Variants in ARMC2 observed in about 807,000 individuals in gnomAD.
ARMC2 encodes armadillo repeat containing 2, also known as armadillo repeat-containing protein 2.
A neutral mutation model predicts 90.3 loss-of-function variants in ARMC2; 67 were observed. The ratio of observed to expected loss-of-function variants is 0.74; its 90% CI spans 0.61 to 0.91. The LOEUF (loss-of-function observed/expected upper bound fraction) is 0.91. ARMC2 is among the 40% of genes least tolerant of loss of function. The probability of loss-of-function intolerance (pLI) is 0.00; values close to 1 mark genes in which losing one functional copy is unlikely to be tolerated. For synonymous variants in ARMC2, 393 were observed against 393.0 expected (o/e 1.00, Z 0.00); for missense variants, 920 against 1,030.9 (o/e 0.89, Z 1.47).
the ARMC2 span, chr6:108,990,881 C>T: frequency 6.6e-6 from 10 of 1,520,000 alleles, 1 homozygote; most frequent in South Asian, 3.4e-5. Flanking sequence ...TGGTCAAGTA[C>T]AGTTCTATAT....
intron 12 of ARMC2, among the ~76,000 whole-genome samples, chr6:108,941,964 C>T (rs1776473749): frequency 6.6e-6 from 1 of 152,154 alleles, no homozygotes; most frequent in Non-Finnish European, 1.5e-5. Flanking sequence ...TTTAGAAGAG[C>T]AGGGAAAGAG....
the ARMC2 span, among the ~76,000 whole-genome samples, chr6:108,990,185 G>A: frequency 6.6e-6 from 1 of 152,220 alleles, no homozygotes; most frequent in Non-Finnish European, 1.5e-5. Context: ...CTAACAGCAA[G>A]GACATGAAAG....
the ARMC2 span, chr6:108,998,657 G>A: frequency 1.6e-5 from 26 of 1,613,706 alleles, no homozygotes; most frequent in East Asian, 6.7e-5. Context: ...TTCCACAGCC[G>A]AATGTGAATG....
chr6:109,022,049 A>AT, the ARMC2 span, among the ~76,000 whole-genome samples: 635 of 147,408 alleles, frequency 4.3e-3, 5 homozygotes, highest in African/African-American at 7.8e-3. Flanking sequence ...TGTGCCAGGC[A>AT]TTTTTTTTTT....
chr6:108,971,398 G>A (rs1046167656), intron 17 of ARMC2, among the ~76,000 whole-genome samples: 1 of 152,176 alleles, frequency 6.6e-6, no homozygotes, highest in Non-Finnish European at 1.5e-5. Flanking sequence ...TTGCCGAAGT[G>A]TTTGTGTCTG....
intron 5 of ARMC2, among the ~76,000 whole-genome samples, chr6:108,892,899 G>A (rs1771231722): frequency 6.6e-6 from 1 of 152,202 alleles, no homozygotes. Context: ...TCACTACACA[G>A]GAAGGAGAAG....
chr6:108,921,489 A>C (rs905865655), intron 10 of ARMC2, among the ~76,000 whole-genome samples: 2 of 142,516 alleles, frequency 1.4e-5, no homozygotes, highest in African/African-American at 4.9e-5. Context: ...TATCTTAATA[A>C]ATTCCAAGAA....
At chr6:108,938,167 GTT>G (rs1172007491) in intron 12 of ARMC2, among the ~76,000 whole-genome samples, 2 of 152,112 alleles carry the variant, frequency 1.3e-5, no homozygotes, top group African/African-American at 4.8e-5. Flanking sequence ...CCTATAGTAA[GTT>G]TTGCGAGTTT....
chr6:109,031,336 TGA>T, the ARMC2 span, among the ~76,000 whole-genome samples: 1 of 152,158 alleles, frequency 6.6e-6, no homozygotes, highest in African/African-American at 2.4e-5. Flanking sequence ...TGACTGTGCA[TGA>T]GAAGCTCAAG....
At chr6:108,928,458 A>T (rs1775280319) in intron 11 of ARMC2, among the ~76,000 whole-genome samples, 1 of 152,202 alleles carries the variant, frequency 6.6e-6, no homozygotes, top group Non-Finnish European at 1.5e-5. Context: ...TTGGTTGTTA[A>T]GTCATTTTAG....
chr6:108,860,900 A>G (rs1442694965), intron 3 of ARMC2, among the ~76,000 whole-genome samples: 1 of 152,192 alleles, frequency 6.6e-6, no homozygotes, highest in Non-Finnish European at 1.5e-5. Context: ...TGCAGGAAGA[A>G]GGTGAGAATG....
chr6:109,013,464 T>C, the ARMC2 span, among the ~76,000 whole-genome samples: 1 of 152,210 alleles, frequency 6.6e-6, no homozygotes, highest in Non-Finnish European at 1.5e-5. Flanking sequence ...AATCTCAGAT[T>C]ATCTGCTCTC....
At chr6:109,048,648 AT>A in the ARMC2 span, among the ~76,000 whole-genome samples, 7 of 152,118 alleles carry the variant, frequency 4.6e-5, no homozygotes, top group African/African-American at 1.2e-4. Flanking sequence ...AAGTAGGAGA[AT>A]TTTTTTTATG....
Position 108,868,829 on chromosome 6 carries a change from G to C in ARMC2, c.297G>C (p.Pro99=), listed in dbSNP as rs73524086. 6.2e-7 allele frequency: 1 copy of C among 1,608,226 alleles called. No individual in the cohort carries two copies. The highest frequency in any genetic ancestry group is 1.7e-4 in the Middle Eastern group (1 of 6,028). ...TTAAAAAAATCTCTTTCCAGAAACC[G>C]AAAGTTCCAGCATCTCCCACCAGAG... is the stretch of plus-strand genomic sequence containing the variant. ...GTRLSPLELK[P]KVPASPTREE... Residue 99 remains proline, a synonymous_variant, in exon 4 of 18, where the codon CCG becomes CCC. Transcript: ENST00000392644.
Position 108,939,947 on chromosome 6 carries a change from A to G in ARMC2, c.1596+2948A>G, listed in dbSNP as rs184863503. ...ATAAGCATTAATTATTGCTGTAGAG[A>G]CTGTTTGTCCCACATGTGAAGCCTG... On this transcript the variant is annotated intron_variant, in intron 12 of 17. Coordinates refer to ENST00000392644, the MANE Select transcript of ARMC2 (RefSeq NM_032131.6). Among the ~76,000 whole-genome samples, 143 of 152,288 alleles carry G rather than the reference A, an allele frequency of 9.4e-4. 2 individuals carry two copies. Among genetic ancestry groups the G allele is most frequent in the Admixed American group, 9.2e-3 (140 of 15,294 alleles).
the ARMC2 span, among the ~76,000 whole-genome samples, chr6:109,024,090 A>G: frequency 1.3e-5 from 2 of 152,188 alleles, no homozygotes; most frequent in African/African-American, 4.8e-5. Flanking sequence ...TGACTTTTTA[A>G]AAAACAATCT....
the ARMC2 span, among the ~76,000 whole-genome samples, chr6:109,026,546 G>A: frequency 6.6e-6 from 1 of 152,066 alleles, no homozygotes; most frequent in Non-Finnish European, 1.5e-5. Flanking sequence ...CGCCAGGCTG[G>A]AGTGCAGTGG....
intron 1 of ARMC2, among the ~76,000 whole-genome samples, chr6:108,852,434 T>C (rs1774102330): frequency 6.6e-6 from 1 of 152,134 alleles, no homozygotes; most frequent in South Asian, 2.1e-4. Flanking sequence ...TAGACAAAAA[T>C]ATTTTTAGCC....
At chr6:108,914,290 G>A (rs770375123) in intron 10 of ARMC2, among the ~76,000 whole-genome samples, 8 of 152,134 alleles carry the variant, frequency 5.3e-5, no homozygotes, top group Non-Finnish European at 1.0e-4. Flanking sequence ...TGCACATATA[G>A]TATATTACTC....
Sources: allele counts gnomAD v4.1 joint callset (sites outside exome capture counted in the v4.1 genomes callset), GRCh38; gene constraint gnomAD v4.1.1; transcripts MANE v1.5; gene names NCBI Gene and HGNC (gene_info 2026-07-23, HGNC 2026-07-21).